The following TMC4 variants were observed in gnomAD, a reference collection of about 807,000 sequenced individuals.
TMC4 encodes transmembrane channel like 4.
Under a neutral mutation model 82.0 loss-of-function variants are expected in TMC4, and 70 were observed. The ratio of observed to expected loss-of-function variants is 0.85; its 90% CI spans 0.70 to 1.04. The LOEUF (loss-of-function observed/expected upper bound fraction) is 1.04, where lower values mean the gene tolerates loss of function less well. TMC4 is among the 50% of genes least tolerant of loss of function. The pLI is 0.00. For synonymous variants in TMC4, 446 were observed against 406.0 expected (o/e 1.10, Z -1.18); for missense variants, 879 against 899.0 (o/e 0.98, Z 0.28).
intron 10 of TMC4, 78 bp downstream of exon 10, chr19:54,162,595 C>T: frequency 2.6e-6 from 3 of 1,167,622 alleles, no homozygotes; most frequent in South Asian, 1.3e-5. Flanking sequence ...TAAAAAGGTG[C>T]GCGGTGAAAA....
At chr19:54,160,571 C>A (rs765082109) in intron 13 of TMC4, 26 bp from the exon 14 acceptor site, 1 of 1,614,076 alleles carries the variant, frequency 6.2e-7, no homozygotes, top group Admixed American at 1.7e-5. Context: ...ACGGAAGCCA[C>A]TCCTGACACG....
chr19:54,165,901 G>A (rs919574843), intron 5 of TMC4, among the ~76,000 whole-genome samples: 3 of 152,108 alleles, frequency 2.0e-5, no homozygotes, highest in African/African-American at 7.2e-5. Context: ...TGTGGAGGAG[G>A]GACAGAGGCC....
chr19:54,169,852 G>C (rs1413447705), intron 2 of TMC4, among the ~76,000 whole-genome samples, 192 bp from the exon 3 acceptor site: 1 of 152,094 alleles, frequency 6.6e-6, no homozygotes, highest in East Asian at 1.9e-4. Context: ...CACTTTGGGA[G>C]GCCGAGGTGG....
chr19:54,162,293 A>C lies in TMC4; in HGVS notation c.1503-8T>G. On this transcript the variant is annotated splice_region_variant and splice_polypyrimidine_tract_variant and intron_variant, in intron 10 of 14. Coordinates refer to ENST00000619895, the MANE Select transcript of TMC4 (RefSeq NM_144686.4). ...CAGAGGCCACAGAGGAGCCTGAAGG[A>C]CGGGGCGGGGCCGGGCCGGAGTCAG... 6.6e-7 allele frequency: 1 copy of C among 1,504,948 alleles called. No homozygotes were observed. Among genetic ancestry groups the C allele is most frequent in the Non-Finnish European group, 8.9e-7 (1 of 1,126,800 alleles). 93.2% of individuals were successfully genotyped at this position (1,504,948 alleles called of 1,614,324 possible). A position where few individuals can be genotyped will look rare whatever the true frequency, so the allele number is the denominator to read the frequency against.
At chr19:54,160,790 C>T in intron 13 of TMC4, 88 bp downstream of exon 13, 9 of 1,525,070 alleles carry the variant, frequency 5.9e-6, no homozygotes, top group Non-Finnish European at 7.1e-6. Flanking sequence ...CCTGCTCCCA[C>T]GCCCAAGCCT....
intron 11 of TMC4, among the ~76,000 whole-genome samples, chr19:54,161,515 AT>A (rs965805532): frequency 3.3e-5 from 5 of 149,382 alleles, no homozygotes; most frequent in Non-Finnish European, 7.4e-5. Context: ...CTCCCGGCTA[AT>A]TTGTTTTGCT....
At chr19:54,163,670 C>G (rs753100740) in intron 8 of TMC4, 54 bp downstream of exon 8, 2 of 1,596,800 alleles carry the variant, frequency 1.3e-6, no homozygotes, top group Non-Finnish European at 1.7e-6. Context: ...CGCCAACATC[C>G]CTCTGACCGC....
In TMC4 at chr19:54,168,457, G is replaced by A. The variant is rs1348229366; in HGVS notation, c.666C>T (p.Leu222=). 2 of 1,544,932 alleles carry A rather than the reference G, an allele frequency of 1.3e-6. No homozygotes were observed. Among genetic ancestry groups the A allele is most frequent in the Non-Finnish European group, 8.7e-7 (1 of 1,144,288 alleles). The part of the protein sequence containing the change: ...VTFATQLFNL[L]SGEGYLEWSP... ...GGACCCAGGCACCTACCTCACCCGA[G>A]AGCAAGTTGAAGAGCTGGGTGGCAA... Residue 222 remains leucine (L), a synonymous_variant, in exon 4 of 15, where the codon CTC becomes CTT. Transcript: ENST00000619895.
chr19:54,171,356 G>A (rs571873767), intron 2 of TMC4, among the ~76,000 whole-genome samples: 7 of 152,092 alleles, frequency 4.6e-5, no homozygotes, highest in African/African-American at 1.2e-4. Context: ...TGATCCACTC[G>A]CCTGGGCCTC....
chr19:54,161,817 C>T (rs2075562329), intron 11 of TMC4, among the ~76,000 whole-genome samples: 1 of 152,222 alleles, frequency 6.6e-6, no homozygotes. Flanking sequence ...GCTGGGATTA[C>T]AGGCGTGAGC....
chr19:54,170,277 A>G (rs1412810039), intron 2 of TMC4, among the ~76,000 whole-genome samples: 1 of 151,242 alleles, frequency 6.6e-6, no homozygotes, highest in Non-Finnish European at 1.5e-5. Context: ...CGGAGGCTGC[A>G]GTGAGCTGAG....
At chr19:54,162,611 G>T in intron 10 of TMC4, 62 bp downstream of exon 10, 2 of 1,352,856 alleles carry the variant, frequency 1.5e-6, no homozygotes, top group Non-Finnish European at 2.1e-6. Flanking sequence ...GAAAAGAACA[G>T]CGCGATGGGG....
chr19:54,171,283 A>G (rs1568755587), intron 2 of TMC4, among the ~76,000 whole-genome samples: 1 of 151,856 alleles, frequency 6.6e-6, no homozygotes, highest in African/African-American at 2.4e-5. Context: ...TAATGTTTGT[A>G]TTTTTAGTAG....
chr19:54,167,172 C>T (rs916883691), intron 5 of TMC4, among the ~76,000 whole-genome samples: 4 of 151,960 alleles, frequency 2.6e-5, no homozygotes, highest in Non-Finnish European at 5.9e-5. Flanking sequence ...CTGAGGTAGG[C>T]GGATCAGTTG....
Position 54,161,122 on chromosome 19 carries a change from G to C in TMC4, c.1817+8C>G. The C allele has an allele frequency of 6.3e-7, 1 of 1,583,720 alleles. No individual in the cohort carries two copies. The highest frequency in any genetic ancestry group is 1.1e-5 in the South Asian group (1 of 88,090). On this transcript the variant is annotated splice_region_variant and intron_variant, in intron 12 of 14. Coordinates refer to ENST00000619895, the MANE Select transcript of TMC4 (RefSeq NM_144686.4). ...GGAGGGAGAGAGGCGGGAGCCTCTC[G>C]CACTTACAGGAAGATGCTGTAAAGC...
chr19:54,168,139 C>A, intron 5 of TMC4, 32 bp downstream of exon 5: 1 of 1,586,060 alleles, frequency 6.3e-7, no homozygotes, highest in Non-Finnish European at 8.6e-7. Flanking sequence ...CAACCCGTCC[C>A]GTCAGGGGTC....
At chr19:54,168,356 T>G in intron 4 of TMC4, 64 bp from the exon 5 acceptor site, 1 of 1,532,392 alleles carries the variant, frequency 6.5e-7, no homozygotes, top group South Asian at 1.2e-5. Flanking sequence ...AGCTGCACAG[T>G]CAGGGTCTGG....
chr19:54,165,420 T>A lies in TMC4; in HGVS notation c.944A>T (p.Lys315Met). Reference protein sequence around the residue: ...LRQRIILYELKVELEETVVRR... With the variant: ...LRQRIILYELMVELEETVVRR... ...GCAGACCCCGCTCCCTAATCGCACC[T>A]TTAATTCGTACAAGATGATGCGCTG... Residue 315 changes from lysine (K) to methionine (M), a missense_variant and splice_region_variant, in exon 6 of 15, where the codon AAG (lysine) becomes ATG (methionine). Transcript: ENST00000619895. 6.3e-7 allele frequency: 1 copy of A among 1,597,710 alleles called. No homozygotes were observed. The highest frequency in any genetic ancestry group is 8.6e-7 in the Non-Finnish European group (1 of 1,167,520).
chr19:54,162,168 A>G lies in TMC4; in HGVS notation c.1620T>C (p.Ser540=), dbSNP rs1600552279. The G allele has an allele frequency of 6.2e-7, 1 of 1,608,642 alleles. No homozygotes were observed. The highest frequency in any genetic ancestry group is 2.2e-5 in the East Asian group (1 of 44,668). Residue 540 remains serine (S), a synonymous_variant, in exon 11 of 15, where the codon AGT becomes AGC. Transcript: ENST00000619895. ...IYAQTVVWVG[S]FFCPLLPLLN... ...GCAGGGGCAGTAAAGGGCAGAAAAA[A>G]CTCCCCACCCAGACCACCGTCTGCG...
Sources: allele counts gnomAD v4.1 joint callset (sites outside exome capture counted in the v4.1 genomes callset), GRCh38; gene constraint gnomAD v4.1.1; transcripts MANE v1.5; gene names NCBI Gene and HGNC (gene_info 2026-07-23, HGNC 2026-07-21).